ZNF385D: variants seen among roughly 807,000 people sequenced by gnomAD.
ZNF385D encodes the protein zinc finger protein 659.
ZNF385D carries 15 observed loss-of-function variants against 35.8 expected under a neutral mutation model. The observed-to-expected ratio is 0.42, with a 90% CI of 0.28 to 0.64. The LOEUF (loss-of-function observed/expected upper bound fraction) is 0.64, where lower values mean the gene tolerates loss of function less well. ZNF385D is among the 30% of genes least tolerant of loss of function. ZNF385D has a pLI of 0.23. For missense variants in ZNF385D, 474 were observed against 494.6 expected, an observed-to-expected ratio of 0.96 and a Z score of 0.39; for synonymous variants, 212 against 186.8, an observed-to-expected ratio of 1.13 and a Z score of -1.10.
chr3:21,994,258 C>A (rs956133362), intron 3 of ZNF385D, among the ~76,000 whole-genome samples: 1 of 152,170 alleles, frequency 6.6e-6, no homozygotes, highest in South Asian at 2.1e-4. Flanking sequence ...CAGCATTCAT[C>A]AGCAAATTGG....
chr3:22,348,796 C>T (rs1484099633), intron 2 of ZNF385D, among the ~76,000 whole-genome samples: 1 of 152,060 alleles, frequency 6.6e-6, no homozygotes. Context: ...AGGAGAGAGG[C>T]ATGGTGATAG....
chr3:21,915,135 T>A (rs779030), intron 3 of ZNF385D, among the ~76,000 whole-genome samples: 52,314 of 151,592 alleles, frequency 0.35, 10,712 homozygotes, highest in African/African-American at 0.54. Flanking sequence ...TCACATGGCA[T>A]GTTTTCCTTA....
intron 1 of ZNF385D, among the ~76,000 whole-genome samples, chr3:21,749,525 T>C (rs762135581): frequency 9.2e-5 from 14 of 152,340 alleles, no homozygotes; most frequent in Non-Finnish European, 1.8e-4. Flanking sequence ...TTTCCATTTA[T>C]GAAAATATAT....
At chr3:21,834,050 G>T (rs1695169206) in intron 3 of ZNF385D, among the ~76,000 whole-genome samples, 1 of 151,990 alleles carries the variant, frequency 6.6e-6, no homozygotes, top group African/African-American at 2.4e-5. Context: ...TTTTATATAT[G>T]TGACCTTTGA....
chr3:22,301,441 AAAGG>A (rs369188358), intron 2 of ZNF385D, among the ~76,000 whole-genome samples: 109 of 152,208 alleles, frequency 7.2e-4, no homozygotes, highest in African/African-American at 2.6e-3. Flanking sequence ...TTCTCACCAC[AAAGG>A]AATAAGTATG....
intron 1 of ZNF385D, among the ~76,000 whole-genome samples, chr3:21,705,191 T>C (rs1307977618): frequency 6.6e-6 from 1 of 152,208 alleles, no homozygotes; most frequent in Non-Finnish European, 1.5e-5. Flanking sequence ...AAATGAAATA[T>C]CTGCAAGTAC....
At chr3:21,476,622 TA>T (rs756465645) in intron 4 of ZNF385D, among the ~76,000 whole-genome samples, 26 of 152,086 alleles carry the variant, frequency 1.7e-4, no homozygotes, top group Non-Finnish European at 2.8e-4. Context: ...TTGTAATATA[TA>T]AAATATATTT....
rs577957571 is a variant in ZNF385D at position 22,127,603 on chromosome 3, G to C, written c.325+41214C>G. 3.7e-4 allele frequency among the ~76,000 whole-genome samples: 56 copies of C among 152,044 alleles called. 1 individual carries two copies. The highest frequency in any genetic ancestry group is 1.3e-3 in the African/African-American group (54 of 41,492). On this transcript the variant is annotated intron_variant, in intron 3 of 5. Transcript: ENST00000494108. ...GATCTGCCCACCTTGGCCTCCCAAAGTGCTAGGATTACAGGCGTGAGCCAC... is the reference window on the plus strand; with the variant it reads ...GATCTGCCCACCTTGGCCTCCCAAACTGCTAGGATTACAGGCGTGAGCCAC...
intron 2 of ZNF385D, among the ~76,000 whole-genome samples, chr3:22,222,711 C>G (rs1458998394): frequency 6.6e-6 from 1 of 152,036 alleles, no homozygotes; most frequent in Non-Finnish European, 1.5e-5. Context: ...AATGAAAGAA[C>G]GGATATAAAA....
chr3:22,300,605 A>G (rs1301361152), intron 2 of ZNF385D, among the ~76,000 whole-genome samples: 1 of 151,978 alleles, frequency 6.6e-6, no homozygotes, highest in Non-Finnish European at 1.5e-5. Flanking sequence ...GAAAACAAAT[A>G]ACCCAATTTA....
intron 3 of ZNF385D, among the ~76,000 whole-genome samples, chr3:21,995,376 C>T (rs991417127): frequency 1.7e-4 from 26 of 152,228 alleles, no homozygotes; most frequent in African/African-American, 6.3e-4. Flanking sequence ...TCAGGACCCC[C>T]GAGTGTGAAC....
chr3:22,237,443 C>T (rs919840280), intron 2 of ZNF385D, among the ~76,000 whole-genome samples: 1 of 152,020 alleles, frequency 6.6e-6, no homozygotes, highest in South Asian at 2.1e-4. Context: ...CAAATATTTT[C>T]TCCCATTTTA....
rs146709668 is a variant in ZNF385D, at chr3:21,925,979, C to T, written c.325+242838G>A. The stretch of plus-strand genomic sequence containing the variant: ...CTAAGTAAAAAAATAGTGATAACAA[C>T]AAATATTAGTAAAGATGCAGAAAAT... On this transcript the variant is annotated intron_variant, in intron 3 of 5. Transcript: ENST00000494108. Among the ~76,000 whole-genome samples, 463 of 152,030 alleles carry T rather than the reference C, an allele frequency of 3.0e-3. 3 individuals are homozygous for T. Among genetic ancestry groups the T allele is most frequent in the African/African-American group, 0.011 (455 of 41,420 alleles).
intron 3 of ZNF385D, among the ~76,000 whole-genome samples, chr3:21,825,240 G>T (rs1366595035): frequency 6.6e-6 from 1 of 152,158 alleles, no homozygotes; most frequent in Non-Finnish European, 1.5e-5. Flanking sequence ...AGGGACTTGA[G>T]ATCCAGGTGA....
intron 2 of ZNF385D, among the ~76,000 whole-genome samples, chr3:22,343,341 A>C (rs557716179): frequency 1.4e-4 from 21 of 152,348 alleles, no homozygotes; most frequent in African/African-American, 4.1e-4. Context: ...GTGGAAGCCA[A>C]AGGTGTCCAC....
intron 3 of ZNF385D, among the ~76,000 whole-genome samples, chr3:21,756,978 T>G (rs1324968492): frequency 2.6e-5 from 4 of 152,136 alleles, no homozygotes; most frequent in Non-Finnish European, 5.9e-5. Flanking sequence ...CCATACAAAT[T>G]AAATGCCTGG....
intron 3 of ZNF385D, among the ~76,000 whole-genome samples, chr3:21,760,636 T>A (rs12489173): frequency 6.6e-6 from 1 of 152,160 alleles, no homozygotes; most frequent in Non-Finnish European, 1.5e-5. Context: ...TAAAAGGTCA[T>A]ACTTTTCTTT....
At chr3:22,065,229 C>A (rs559233260) in intron 3 of ZNF385D, among the ~76,000 whole-genome samples, 67 of 152,248 alleles carry the variant, frequency 4.4e-4, no homozygotes, top group Non-Finnish European at 2.9e-5. Flanking sequence ...TAGGACTGGG[C>A]AGATTTGCCA....
chr3:22,003,156 A>G (rs949742665), intron 3 of ZNF385D, among the ~76,000 whole-genome samples: 1 of 152,172 alleles, frequency 6.6e-6, no homozygotes, highest in Admixed American at 6.5e-5. Flanking sequence ...ATGACATAAT[A>G]TTACATATTA....
Sources: gnomAD v4.1 joint callset for allele counts (sites outside exome capture counted in the v4.1 genomes callset) on GRCh38, gnomAD v4.1.1 for gene constraint, MANE v1.5 for transcripts, NCBI Gene and HGNC (gene_info 2026-07-23, HGNC 2026-07-21) for gene names.